Variants in LHCGR observed in about 807,000 individuals in gnomAD.
LHCGR encodes the protein luteinizing hormone/choriogonadotropin receptor, also known as lutropin-choriogonadotropic hormone receptor.
In LHCGR, 55 loss-of-function variants were observed where a neutral mutation model predicts 60.7. The ratio of observed to expected loss-of-function variants is 0.91; its 90% confidence interval spans 0.73 to 1.13. LHCGR has a LOEUF of 1.13. Among genes scored for constraint, LHCGR ranks in the 50% most tolerant of loss-of-function variants. The probability of loss-of-function intolerance (pLI) is 0.00; values close to 1 mark genes in which losing one functional copy is unlikely to be tolerated. For missense variants in LHCGR, 862 were observed against 836.0 expected (o/e 1.03, Z -0.38); for synonymous variants, 337 against 316.5 (o/e 1.06, Z -0.69).
chr2:48,698,474 AT>A (rs1417621662), intron 9 of LHCGR, 140 bp downstream of exon 9: 5 of 704,370 alleles, frequency 7.1e-6, no homozygotes, highest in Non-Finnish European at 1.3e-5. Flanking sequence ...CTTCTTGTCT[AT>A]TTGAAAGTGA....
intron 8 of LHCGR, among the ~76,000 whole-genome samples, chr2:48,702,015 AG>A (rs1667434567): frequency 1.3e-5 from 2 of 152,198 alleles, no homozygotes; most frequent in Non-Finnish European, 2.9e-5. Flanking sequence ...CCTGGTACAC[AG>A]GATAGGTTCA....
chr2:48,734,640 A>G (rs762077472), intron 1 of LHCGR, among the ~76,000 whole-genome samples: 30 of 151,842 alleles, frequency 2.0e-4, no homozygotes, highest in Non-Finnish European at 4.0e-4. Context: ...TTGTATTCCA[A>G]TAGTTTTGTG....
chr2:48,738,504 C>T (rs1477806802), intron 1 of LHCGR, among the ~76,000 whole-genome samples: 1 of 152,222 alleles, frequency 6.6e-6, no homozygotes, highest in Non-Finnish European at 1.5e-5. Flanking sequence ...ATGTCATTCT[C>T]ATGTCAAGCA....
At chr2:48,737,668 A>C (rs1669260273) in intron 1 of LHCGR, among the ~76,000 whole-genome samples, 1 of 152,264 alleles carries the variant, frequency 6.6e-6, no homozygotes, top group Non-Finnish European at 1.5e-5. Context: ...GAGGGAGCTG[A>C]GGCTTCAGTG....
At chr2:48,734,714 G>A (rs1669143317) in intron 1 of LHCGR, among the ~76,000 whole-genome samples, 1 of 152,148 alleles carries the variant, frequency 6.6e-6, no homozygotes, top group South Asian at 2.1e-4. Flanking sequence ...GAGAACTGAG[G>A]GCAAAAATGC....
chr2:48,743,874 T>C (rs1439270381), intron 1 of LHCGR, among the ~76,000 whole-genome samples: 4 of 151,718 alleles, frequency 2.6e-5, no homozygotes, highest in African/African-American at 9.7e-5. Flanking sequence ...AAATAAAGGG[T>C]ATTCAATTAG....
chr2:48,750,542 C>T (rs947369637), intron 1 of LHCGR, among the ~76,000 whole-genome samples: 1 of 152,166 alleles, frequency 6.6e-6, no homozygotes, highest in Non-Finnish European at 1.5e-5. Context: ...CCTTCAGAAC[C>T]TATAGCATTT....
intron 1 of LHCGR, among the ~76,000 whole-genome samples, chr2:48,747,233 C>T (rs1289649999): frequency 6.6e-6 from 1 of 152,060 alleles, no homozygotes; most frequent in Non-Finnish European, 1.5e-5. Flanking sequence ...GGACTACAGG[C>T]AAGCACCACC....
intron 1 of LHCGR, among the ~76,000 whole-genome samples, chr2:48,753,668 C>G (rs891154942): frequency 6.6e-6 from 1 of 152,132 alleles, no homozygotes; most frequent in Admixed American, 6.5e-5. Context: ...GGGGTCCCCT[C>G]CTGAGAACAG....
At position 48,700,898 on chromosome 2, in the gene LHCGR, G is replaced by A. The variant is rs186963890; in HGVS notation, c.681-2098C>T. ...AGAAGTTAGGAAGCAGAAAGATCTA[G>A]GAATTTTAGTGGTGGGAGTTAGGAA... On this transcript the variant is annotated intron_variant, in intron 8 of 10. Coordinates refer to ENST00000294954, the MANE Select transcript of LHCGR (RefSeq NM_000233.4). 1.6e-4 allele frequency among the ~76,000 whole-genome samples: 24 copies of A among 152,268 alleles called. No individual in the cohort carries two copies. In the East Asian group the frequency reaches 4.6e-3, roughly 29 times the overall value.
chr2:48,722,708 C>A (rs1668555969), intron 6 of LHCGR, among the ~76,000 whole-genome samples: 1 of 152,196 alleles, frequency 6.6e-6, no homozygotes, highest in Non-Finnish European at 1.5e-5. Flanking sequence ...CAGAATCATG[C>A]TTCCTGCAAA....
intron 8 of LHCGR, among the ~76,000 whole-genome samples, chr2:48,707,441 T>C (rs941501926): frequency 1.3e-5 from 2 of 152,214 alleles, no homozygotes; most frequent in African/African-American, 4.8e-5. Context: ...GAACCACTGC[T>C]CTCTTCAGAG....
At chr2:48,705,769 G>T (rs1667633012) in intron 8 of LHCGR, among the ~76,000 whole-genome samples, 1 of 151,376 alleles carries the variant, frequency 6.6e-6, no homozygotes, top group African/African-American at 2.4e-5. Flanking sequence ...CAGCCCTTTA[G>T]TTTGAGCCTA....
In LHCGR at chr2:48,687,953, T is replaced by G; in HGVS notation, c.1844A>C (p.Asn615Thr). Residue 615 changes from asparagine to threonine, a missense_variant, in exon 11 of 11, where the codon AAT (asparagine) becomes ACT (threonine). Asn to Thr is a moderately conservative substitution (Grantham distance 65, BLOSUM62 0). Coordinates refer to ENST00000294954, the MANE Select transcript of LHCGR (RefSeq NM_000233.4). ...ATACAGAAATGGATTGGCACAAGAA[T>G]TGATGGGATAAAAAAGAACCAGTAA... ...KVLLVLFYPI[N>T]SCANPFLYAI... The G allele has an allele frequency of 6.2e-7, 1 of 1,614,100 alleles. No homozygotes were observed. The highest frequency in any genetic ancestry group is 8.5e-7 in the Non-Finnish European group (1 of 1,180,006).
In LHCGR at chr2:48,723,542, A is replaced by G; in HGVS notation, c.459-9T>C. The G allele has an allele frequency of 6.2e-7, 1 of 1,610,960 alleles. No homozygotes were observed. Among genetic ancestry groups the G allele is most frequent in the South Asian group, 1.1e-5 (1 of 91,022 alleles). On this transcript the variant is annotated splice_polypyrimidine_tract_variant and intron_variant, in intron 5 of 10. Coordinates refer to ENST00000294954, the MANE Select transcript of LHCGR (RefSeq NM_000233.4). ...AGTTATCACAAATTTCCCTTGAGGA[A>G]AGAAATGAGAAATATTTACTTTCTA...
chr2:48,742,870 C>G (rs1443784308), intron 1 of LHCGR, among the ~76,000 whole-genome samples: 2 of 151,852 alleles, frequency 1.3e-5, no homozygotes, highest in African/African-American at 2.4e-5. Flanking sequence ...CATAGAGACA[C>G]AAAAAACCCT....
At chr2:48,735,134 C>T (rs906115991) in intron 1 of LHCGR, among the ~76,000 whole-genome samples, 4 of 152,320 alleles carry the variant, frequency 2.6e-5, no homozygotes, top group East Asian at 3.9e-4. Context: ...ACAAAGTCTG[C>T]GTTAGCTTCA....
At chr2:48,715,299 A>T (rs969507148) in intron 6 of LHCGR, among the ~76,000 whole-genome samples, 8 of 152,342 alleles carry the variant, frequency 5.3e-5, no homozygotes, top group Non-Finnish European at 1.2e-4. Context: ...AATATATATT[A>T]AATAAATTGG....
At chr2:48,727,550 T>C (rs1166030909) in intron 3 of LHCGR, among the ~76,000 whole-genome samples, 1 of 152,236 alleles carries the variant, frequency 6.6e-6, no homozygotes, top group Non-Finnish European at 1.5e-5. Context: ...TTAGCTGCCC[T>C]GGTGGTTCTC....
Sources: gnomAD v4.1 joint callset for allele counts (sites outside exome capture counted in the v4.1 genomes callset) on GRCh38, gnomAD v4.1.1 for gene constraint, MANE v1.5 for transcripts, NCBI Gene and HGNC (gene_info 2026-07-23, HGNC 2026-07-21) for gene names.